The following PROC variants were observed in gnomAD, a reference collection of about 807,000 sequenced individuals.
PROC encodes the protein vitamin K-dependent protein C.
Under a neutral mutation model 36.3 loss-of-function variants are expected in PROC, and 22 were observed. That is an observed-to-expected ratio of 0.61 (90% CI 0.43 to 0.86). PROC has a LOEUF of 0.86. Among genes scored for constraint, PROC ranks in the 40% least tolerant of loss-of-function variants. PROC has a pLI of 0.00. For synonymous variants in PROC, 218 were observed against 244.5 expected, an observed-to-expected ratio of 0.89 and a Z score of 1.01; for missense variants, 526 against 629.7, an observed-to-expected ratio of 0.84 and a Z score of 1.76.
Position 127,426,199 on chromosome 2 carries a change from T to C in PROC, c.650T>C (p.Met217Thr), listed in dbSNP as rs1194474395. 3.7e-6 allele frequency: 6 copies of C among 1,613,912 alleles called. No individual in the cohort carries two copies. In the African/African-American group the frequency reaches 8.0e-5, roughly 22 times the overall value. ...GATCCGCGGCTCATTGATGGGAAGA[T>C]GACCAGGCGGGGAGACAGCCCCTGG... ...QVDPRLIDGK[M>T]TRRGDSPWQV... The change falls in exon 7 of 9, where the codon ATG (methionine) becomes ACG (threonine). Residue 217 changes from methionine (M) to threonine (T), a missense_variant. Transcript: ENST00000234071. The surrounding 1 kb of genome is among the most constrained non-coding windows in gnomAD (Gnocchi z 7.0).
intron 3 of PROC, 138 bp from the exon 4 acceptor site, chr2:127,422,779 A>G (rs1688183331): frequency 2.4e-6 from 3 of 1,244,726 alleles, no homozygotes; most frequent in Non-Finnish European, 2.3e-6. Flanking sequence ...CTAGCAGCCA[A>G]CGACCATCGG....
Position 127,427,902 on chromosome 2 carries a change from C to T in PROC, c.797-455C>T, listed in dbSNP as rs71414752. ...AGGACCTTCTCTCTCAGGTGGGACC[C>T]GGCCCTGTCCTCCCTGGCAGTGCCG... On this transcript the variant is annotated intron_variant, in intron 8 of 8. Transcript: ENST00000234071. Among the ~76,000 whole-genome samples, 1,116 of 152,302 alleles carry T rather than the reference C, an allele frequency of 7.3e-3. 6 individuals carry two copies. The highest frequency in any genetic ancestry group is 0.024 in the Middle Eastern group (7 of 294).
intron 6 of PROC, 118 bp downstream of exon 6, chr2:127,423,526 A>G: frequency 1.5e-6 from 2 of 1,358,810 alleles, no homozygotes; most frequent in South Asian, 1.5e-5. Context: ...CGAGGAACAG[A>G]GTTGAGCCTT....
chr2:127,429,186 G>T lies in PROC; in HGVS notation c.*240G>T. 1 of 560,188 alleles carries T rather than the reference G, an allele frequency of 1.8e-6. No homozygotes were observed. The highest frequency in any genetic ancestry group is 3.2e-6 in the Non-Finnish European group (1 of 315,276). 34.7% of individuals were successfully genotyped at this position (560,188 alleles called of 1,614,324 possible). On this transcript the variant is annotated 3_prime_UTR_variant, in exon 9 of 9. Coordinates refer to ENST00000234071, the MANE Select transcript of PROC (RefSeq NM_000312.4). ...TCCAAGTTTTGCGGGGTCTAAAGCT[G>T]TGTGTGTTGAGGGGGATACTCTGTT... is the stretch of plus-strand genomic sequence containing the variant.
chr2:127,422,838 C>T, intron 3 of PROC, 79 bp from the exon 4 acceptor site: 10 of 1,524,402 alleles, frequency 6.6e-6, no homozygotes, highest in Non-Finnish European at 8.8e-6. Context: ...TGCCCGCTCA[C>T]CCGCTGCCCT....
Position 127,426,464 on chromosome 2 carries a change from T to C in PROC, c.678+237T>C. ...TGGAGGGGTCTGCAGGAGGGAGGGT[T>C]ACAGTTTCTAAAAAGAGCTGGAAAG... is the stretch of plus-strand genomic sequence containing the variant. On this transcript the variant is annotated intron_variant, in intron 7 of 8. Transcript: ENST00000234071. This position sits in a 1 kb window ranked among gnomAD's most constrained non-coding sequence, Gnocchi z 7.0. The C allele has an allele frequency of 1.7e-6, 1 of 578,700 alleles. No homozygotes were observed. Among genetic ancestry groups the C allele is most frequent in the Non-Finnish European group, 3.1e-6 (1 of 327,316 alleles). The allele number at this position is 578,700 out of a possible 1,614,324, so 35.8% of individuals were successfully genotyped here.
chr2:127,422,326 C>T (rs762273404), intron 3 of PROC, among the ~76,000 whole-genome samples: 7 of 152,270 alleles, frequency 4.6e-5, no homozygotes, highest in Non-Finnish European at 8.8e-5. Flanking sequence ...TCCCACCTCA[C>T]CCATGGTCTC....
chr2:127,423,666 C>A (rs1052462555), intron 6 of PROC: 4 of 517,516 alleles, frequency 7.7e-6, no homozygotes, highest in Non-Finnish European at 1.3e-5. Context: ...GCGCCCCCTG[C>A]GCACCTGGGG....
At chr2:127,423,764 A>T (rs895635351) in intron 6 of PROC, 1 of 299,012 alleles carries the variant, frequency 3.3e-6, no homozygotes, top group African/African-American at 2.2e-5. Context: ...TCCTCCATGT[A>T]GCCTGGCTGC....
At position 127,428,586 on chromosome 2, in the gene PROC, G is replaced by C. The variant is rs781097228; in HGVS notation, c.1026G>C (p.Trp342Cys). The C allele has an allele frequency of 1.2e-6, 2 of 1,613,852 alleles. No individual in the cohort carries two copies. The part of the protein sequence containing the change: ...QAGQETLVTG[W>C]GYHSSREKEA... The stretch of plus-strand genomic sequence containing the variant: ...GCCAGGAGACCCTCGTGACGGGCTG[G>C]GGCTACCACAGCAGCCGAGAGAAGG... Residue 342 changes from tryptophan (W) to cysteine (C), a missense_variant, in exon 9 of 9, where the codon TGG becomes TGC. Trp to Cys is a radical substitution (Grantham distance 215). Coordinates refer to ENST00000234071, the MANE Select transcript of PROC (RefSeq NM_000312.4).
chr2:127,424,440 C>T (rs1324205125), intron 6 of PROC, among the ~76,000 whole-genome samples: 6 of 152,298 alleles, frequency 3.9e-5, no homozygotes, highest in Non-Finnish European at 4.4e-5. Context: ...CTCAGGTGAT[C>T]CACCTGCCTT....
At chr2:127,422,888 G>A (rs1189853206) in intron 3 of PROC, 29 bp from the exon 4 acceptor site, 12 of 1,551,794 alleles carry the variant, frequency 7.7e-6, no homozygotes, top group Non-Finnish European at 1.0e-5. Flanking sequence ...CCGGCTGCAG[G>A]AGCCTGACGC....
At chr2:127,421,473 G>T in intron 3 of PROC, 24 bp downstream of exon 3, 1 of 1,613,466 alleles carries the variant, frequency 6.2e-7, no homozygotes, top group Middle Eastern at 1.7e-4. Context: ...GGGTCCAGAG[G>T]ATGAGGCTCA....
At chr2:127,422,781 G>A (rs941941400) in intron 3 of PROC, 136 bp from the exon 4 acceptor site, 1 of 1,260,248 alleles carries the variant, frequency 7.9e-7, no homozygotes. Context: ...AGCAGCCAAC[G>A]ACCATCGGGC....
Position 127,428,487 on chromosome 2 carries a change from C to A in PROC, c.927C>A (p.Ala309=). ...CACTGCTGCACCTGGCCCAGCCCGC[C>A]ACCCTCTCGCAGACCATAGTGCCCA... ...DIALLHLAQP[A]TLSQTIVPIC... is the part of the protein sequence containing the mutation. The change falls in exon 9 of 9, where the codon GCC becomes GCA. Residue 309 remains alanine, a synonymous_variant. Transcript: ENST00000234071. 1 of 1,614,142 alleles carries A rather than the reference C, an allele frequency of 6.2e-7. No homozygotes were observed. The highest frequency in any genetic ancestry group is 8.5e-7 in the Non-Finnish European group (1 of 1,180,052).
chr2:127,428,016 T>C (rs987986571), intron 8 of PROC, among the ~76,000 whole-genome samples: 1 of 152,218 alleles, frequency 6.6e-6, no homozygotes, highest in East Asian at 1.9e-4. Context: ...CTCTGGTCTG[T>C]GTCTGGGGTT....
In PROC at chr2:127,418,666, C is replaced by T. The variant is rs78430691; in HGVS notation, c.-22+174C>T. Among the ~76,000 whole-genome samples, 1,728 of 152,284 alleles carry T rather than the reference C, an allele frequency of 0.011. 29 individuals are homozygous for T. Among genetic ancestry groups the T allele is most frequent in the African/African-American group, 0.039 (1,614 of 41,536 alleles). On this transcript the variant is annotated intron_variant, in intron 1 of 8. Transcript: ENST00000234071. This position sits in a 1 kb window ranked among gnomAD's most constrained non-coding sequence, Gnocchi z 4.8. ...AGGCCAGGCCTGGCAGCCACAGTCT[C>T]AGGTCCCTTTGCCATGCGCCTCCCT...
At chr2:127,419,462 G>A (rs1403972243) in intron 1 of PROC, among the ~76,000 whole-genome samples, 1 of 152,200 alleles carries the variant, frequency 6.6e-6, no homozygotes, top group Admixed American at 6.5e-5. Flanking sequence ...CTGAGGCATG[G>A]AGCAGTTAAG....
rs370298954 is a variant in PROC, at chr2:127,428,944, T to C, written c.1384T>C (p.Ter462GlnextTer17). 2 of 1,613,826 alleles carry C rather than the reference T, an allele frequency of 1.2e-6. No individual in the cohort carries two copies. Among genetic ancestry groups the C allele is most frequent in the South Asian group, 1.1e-5 (1 of 91,082 alleles). Reference sequence around the variant, plus strand: ...AGCCCCCCAGAAGAGCTGGGCACCTTAGCGACCCTCCCTGCAGGGCTGGGC... The same window carrying C: ...AGCCCCCCAGAAGAGCTGGGCACCTCAGCGACCCTCCCTGCAGGGCTGGGC... ...KEAPQKSWAP* is the reference protein window; with the variant it reads ...KEAPQKSWAPQ Residue 462 changes from the stop codon to glutamine, a stop_lost, in exon 9 of 9, where the codon TAG becomes CAG. Transcript: ENST00000234071.
Sources: gnomAD v4.1 joint callset for allele counts (sites outside exome capture counted in the v4.1 genomes callset) on GRCh38, gnomAD v4.1.1 for gene constraint, Gnocchi (gnomAD v3.1) non-coding constraint, MANE v1.5 for transcripts, NCBI Gene and HGNC (gene_info 2026-07-23, HGNC 2026-07-21) for gene names.